PARP4: variants seen among roughly 807,000 people sequenced by gnomAD.
The protein encoded by PARP4 is protein mono-ADP-ribosyltransferase PARP4.
PARP4 carries 120 observed loss-of-function variants against 187.7 expected under a neutral mutation model. The observed-to-expected ratio is 0.64, with a 90% CI of 0.55 to 0.74. The LOEUF (loss-of-function observed/expected upper bound fraction) is 0.74, where lower values mean the gene tolerates loss of function less well. Ranked by LOEUF, PARP4 falls within the 30% of genes least tolerant of loss-of-function variation. The pLI, the probability that PARP4 is intolerant of heterozygous loss-of-function variation, is 0.00. For synonymous variants in PARP4, 654 were observed against 740.9 expected (o/e 0.88, Z 1.90); for missense variants, 1,836 against 2,070.5 (o/e 0.89, Z 2.20).
chr13:24,452,957 T>A (rs1486658759), intron 23 of PARP4, among the ~76,000 whole-genome samples: 1 of 152,000 alleles, frequency 6.6e-6, no homozygotes, highest in African/African-American at 2.4e-5. Flanking sequence ...TTCTTTGAGA[T>A]GGAGTCTCGC....
At chr13:24,494,145 CCTTT>C (rs1281248711) in intron 7 of PARP4, among the ~76,000 whole-genome samples, 1 of 152,194 alleles carries the variant, frequency 6.6e-6, no homozygotes, top group African/African-American at 2.4e-5. Flanking sequence ...AACTTCCATG[CCTTT>C]CTATGAGTTC....
Position 24,475,326 on chromosome 13 carries a change from G to T in PARP4, c.1914+146C>A, listed in dbSNP as rs1593629042. 6.7e-6 allele frequency: 5 copies of T among 741,066 alleles called. No homozygotes were observed. The East Asian group carries it at 1.1e-4, about 16-fold the overall frequency. The allele number at this position is 741,066 out of a possible 1,614,324, so 45.9% of individuals were successfully genotyped here. A position where few individuals can be genotyped will look rare whatever the true frequency, so the allele number is the denominator to read the frequency against. On this transcript the variant is annotated intron_variant, in intron 15 of 33. Coordinates refer to ENST00000381989, the MANE Select transcript of PARP4 (RefSeq NM_006437.4). ...GATGCTCAGAGCCTAGCTAGTCCCT[G>T]GCATGGAGTGCTCAGTGAATATCTC...
intron 3 of PARP4, 27 bp downstream of exon 3, chr13:24,501,606 G>C (rs764874888): frequency 1.3e-6 from 2 of 1,527,268 alleles, no homozygotes; most frequent in Non-Finnish European, 1.8e-6. Context: ...CCTATGATAC[G>C]TTAAATGCTT....
At chr13:24,451,659 A>C (rs1224654537) in intron 24 of PARP4, among the ~76,000 whole-genome samples, 1 of 149,786 alleles carries the variant, frequency 6.7e-6, no homozygotes, top group Non-Finnish European at 1.5e-5. Flanking sequence ...GCTGGTGACC[A>C]CTTGCTGAGG....
intron 7 of PARP4, 102 bp from the exon 8 acceptor site, chr13:24,493,835 T>TAAATAAATAAA: frequency 8.6e-7 from 1 of 1,161,756 alleles, no homozygotes; most frequent in Non-Finnish European, 1.3e-6. Flanking sequence ...AAATAATTGA[T>TAAATAAATAAA]TAGAGCCCAG....
chr13:24,424,838 ATTT>A (rs377486554), intron 33 of PARP4, among the ~76,000 whole-genome samples: 49,347 of 145,966 alleles, frequency 0.34, 8,345 homozygotes, highest in Middle Eastern at 0.41. Context: ...CACCTGGCGA[ATTT>A]TTTTTTTTTT....
At chr13:24,496,155 TG>T in intron 6 of PARP4, among the ~76,000 whole-genome samples, 1 of 150,832 alleles carries the variant, frequency 6.6e-6, no homozygotes, top group Non-Finnish European at 1.5e-5. Flanking sequence ...AACGATGCTA[TG>T]GTTTTCTTTC....
intron 33 of PARP4, among the ~76,000 whole-genome samples, chr13:24,422,217 C>T (rs988790844): frequency 1.3e-5 from 2 of 152,154 alleles, no homozygotes; most frequent in Non-Finnish European, 2.9e-5. Flanking sequence ...AACCTGAGGT[C>T]CTATGGGTTT....
chr13:24,449,050 A>G (rs1255314723), intron 25 of PARP4, among the ~76,000 whole-genome samples: 1 of 152,218 alleles, frequency 6.6e-6, no homozygotes, highest in Admixed American at 6.5e-5. Context: ...TGATGGTTGC[A>G]CAGCATTGTG....
At chr13:24,493,366 G>A (rs532557002) in intron 8 of PARP4, among the ~76,000 whole-genome samples, 2 of 152,182 alleles carry the variant, frequency 1.3e-5, no homozygotes, top group Middle Eastern at 3.2e-3. Flanking sequence ...GCCTGCCTTC[G>A]ATCAGCTCTT....
chr13:24,425,639 AC>A (rs1870014796), intron 33 of PARP4, among the ~76,000 whole-genome samples: 3 of 147,300 alleles, frequency 2.0e-5, no homozygotes, highest in Admixed American at 1.4e-4. Context: ...TCTGGTCTTG[AC>A]CCTCTTGCCA....
At chr13:24,453,412 C>T (rs1871635619) in intron 23 of PARP4, among the ~76,000 whole-genome samples, 175 bp downstream of exon 23, 1 of 151,708 alleles carries the variant, frequency 6.6e-6, no homozygotes, top group East Asian at 1.9e-4. Context: ...TTTTAATTTC[C>T]AATTTTTCCT....
intron 4 of PARP4, among the ~76,000 whole-genome samples, chr13:24,499,583 CCT>C (rs1231746243): frequency 1.3e-5 from 2 of 152,158 alleles, no homozygotes; most frequent in Non-Finnish European, 2.9e-5. Context: ...CTGGATGCCT[CCT>C]CTGCATAATC....
chr13:24,422,487 C>T lies in PARP4; in HGVS notation c.4980-1173G>A, dbSNP rs113068952. Among the ~76,000 whole-genome samples the T allele has an allele frequency of 6.8e-4, 104 of 152,232 alleles. 1 individual carries two copies. Among genetic ancestry groups the T allele is most frequent in the African/African-American group, 2.3e-3 (95 of 41,528 alleles). ...CCTCTACACTTTTTGGTTCACATTC[C>T]GCTAGCAAGAAAATCTTGTGCCTAC... On this transcript the variant is annotated intron_variant, in intron 33 of 33. Coordinates refer to ENST00000381989, the MANE Select transcript of PARP4 (RefSeq NM_006437.4).
chr13:24,494,873 CTTTT>C, intron 6 of PARP4, 151 bp from the exon 7 acceptor site: 2 of 535,418 alleles, frequency 3.7e-6, no homozygotes, highest in South Asian at 5.5e-5. Flanking sequence ...TTTTTCTTTT[CTTTT>C]TCTTTTTTTT....
chr13:24,459,961 T>TG lies in PARP4; in HGVS notation c.2298+10dup. 1 of 1,609,304 alleles carries TG rather than the reference T, an allele frequency of 6.2e-7. No homozygotes were observed. Among genetic ancestry groups the TG allele is most frequent in the Non-Finnish European group, 8.5e-7 (1 of 1,177,872 alleles). On this transcript the variant is annotated intron_variant, in intron 18 of 33. Transcript: ENST00000381989. ...TGCCAAAATGCTTCTTCAAATCTTA[T>TG]GCGTACAAACCTGAAGGTTTTCATT...
chr13:24,436,464 C>T (rs1451873556), intron 30 of PARP4, among the ~76,000 whole-genome samples: 1 of 152,134 alleles, frequency 6.6e-6, no homozygotes, highest in Non-Finnish European at 1.5e-5. Flanking sequence ...ACACCATACC[C>T]AGCTAATTTT....
rs4986822 is a variant in PARP4 at position 24,435,384 on chromosome 13, A to G, written c.3757T>C (p.Ser1253Pro). The change falls in exon 31 of 34, where the codon TCT becomes CCT. Residue 1253 changes from serine to proline, a missense_variant. Around this residue, in one of 8 missense-constraint regions of PARP4, gnomAD observed 450 missense variants for 439.2 expected, o/e 1.02. Transcript: ENST00000381989. The stretch of plus-strand genomic sequence containing the variant: ...AAATCTTCAGAAACTTCTGGCTGAG[A>G]TAATTCCATTTTTCTTTTGGAAAAT... ...IPFSKRKMELSQPEVSEDFEE... is the reference protein window; with the variant it reads ...IPFSKRKMELPQPEVSEDFEE... 1.4e-5 allele frequency: 22 copies of G among 1,612,248 alleles called. No individual in the cohort carries two copies. The highest frequency in any genetic ancestry group is 1.4e-5 in the Non-Finnish European group (17 of 1,179,896).
In PARP4 at chr13:24,500,593, A is replaced by C. The variant is rs547934637; in HGVS notation, c.335-211T>G. On this transcript the variant is annotated intron_variant, in intron 3 of 33. Transcript: ENST00000381989. The stretch of plus-strand genomic sequence containing the variant: ...CTAATTCTATTTTAATAAGCATATC[A>C]GGAGGATTCTCATCTGTTATTATTT... 6.6e-5 allele frequency among the ~76,000 whole-genome samples: 10 copies of C among 152,312 alleles called. No homozygotes were observed. In the East Asian group the frequency reaches 1.7e-3, roughly 26 times the overall value.
Sources: gnomAD v4.1 joint callset for allele counts (sites outside exome capture counted in the v4.1 genomes callset) on GRCh38, gnomAD v4.1.1 for gene constraint, gnomAD v4.1.1 regional missense constraint, MANE v1.5 for transcripts, NCBI Gene and HGNC (gene_info 2026-07-23, HGNC 2026-07-21) for gene names.